ADAMTS6: variants seen among roughly 807,000 people sequenced by gnomAD.
ADAMTS6 encodes A disintegrin and metalloproteinase with thrombospondin motifs 6.
A neutral mutation model predicts 144.3 loss-of-function variants in ADAMTS6; 23 were observed. The ratio of observed to expected loss-of-function variants is 0.16; its 90% CI spans 0.11 to 0.23. The LOEUF (loss-of-function observed/expected upper bound fraction) is 0.23. Among genes scored for constraint, ADAMTS6 ranks in the 10% least tolerant of loss-of-function variants. The pLI is 1.00. For missense variants in ADAMTS6, 999 were observed against 1,379.6 expected (o/e 0.72, Z 4.37); for synonymous variants, 444 against 457.5 (o/e 0.97, Z 0.38).
intron 7 of ADAMTS6, among the ~76,000 whole-genome samples, chr5:65,383,410 C>T (rs1258092801): frequency 6.6e-6 from 1 of 152,078 alleles, no homozygotes; most frequent in Non-Finnish European, 1.5e-5. Context: ...TAGATGTTCC[C>T]AAATCAAAAG....
At chr5:65,395,581 A>T (rs1296476212) in intron 7 of ADAMTS6, among the ~76,000 whole-genome samples, 1 of 152,160 alleles carries the variant, frequency 6.6e-6, no homozygotes. Context: ...TATTTATACA[A>T]AAAAACAAGC....
intron 11 of ADAMTS6, among the ~76,000 whole-genome samples, chr5:65,287,687 C>T (rs1434147152): frequency 2.6e-5 from 4 of 152,076 alleles, no homozygotes; most frequent in Admixed American, 6.6e-5. Context: ...TGTGCCACCA[C>T]GCCTGGCTAA....
chr5:65,466,838 C>A (rs1045952644), intron 3 of ADAMTS6, among the ~76,000 whole-genome samples: 3 of 152,018 alleles, frequency 2.0e-5, no homozygotes, highest in African/African-American at 4.8e-5. Flanking sequence ...GTCAGGAGAT[C>A]GAGACCATCC....
At chr5:65,267,202 AACTAGAAAAGTTAAATATGTAGAT>A (rs1299900140) in intron 12 of ADAMTS6, among the ~76,000 whole-genome samples, 5 of 152,078 alleles carry the variant, frequency 3.3e-5, no homozygotes, top group Admixed American at 6.6e-5. Flanking sequence ...TTACGTTTTA[AACTAGAAAAGTTAAATATGTAGAT>A]GCAAACAAGT....
rs1055214171 is a variant in ADAMTS6 at position 65,389,633 on chromosome 5, A to G, written c.1074-55548T>C. ...ATACTAGATACATAGTACCTAGCCA[A>G]AGCCAGCTGTTAGTAAAATTTAGTA... On this transcript the variant is annotated intron_variant, in intron 7 of 24. Transcript: ENST00000381055. 6.7e-5 allele frequency among the ~76,000 whole-genome samples: 10 copies of G among 149,958 alleles called. No homozygotes were observed. In the Middle Eastern group the frequency reaches 0.014, roughly 204 times the overall value.
At chr5:65,302,775 A>G (rs1743567796) in intron 9 of ADAMTS6, among the ~76,000 whole-genome samples, 1 of 152,136 alleles carries the variant, frequency 6.6e-6, no homozygotes, top group African/African-American at 2.4e-5. Flanking sequence ...TCAAGTAACG[A>G]TAGCTTTAAA....
chr5:65,282,973 T>G (rs1380903678), intron 11 of ADAMTS6, among the ~76,000 whole-genome samples: 1 of 152,120 alleles, frequency 6.6e-6, no homozygotes, highest in Non-Finnish European at 1.5e-5. Context: ...AAAAGAGACA[T>G]GCGCACACTT....
intron 14 of ADAMTS6, among the ~76,000 whole-genome samples, chr5:65,254,462 A>G (rs1388299544): frequency 6.6e-6 from 1 of 152,216 alleles, no homozygotes; most frequent in African/African-American, 2.4e-5. Flanking sequence ...AGTAAATGTA[A>G]GATTTTATCT....
chr5:65,360,690 A>T (rs1298779877), intron 7 of ADAMTS6, among the ~76,000 whole-genome samples: 4 of 152,206 alleles, frequency 2.6e-5, no homozygotes, highest in Admixed American at 6.5e-5. Context: ...AAAATTCAAG[A>T]CCATTTTTCT....
chr5:65,217,277 T>A (rs533737552), intron 18 of ADAMTS6, among the ~76,000 whole-genome samples: 1 of 152,282 alleles, frequency 6.6e-6, no homozygotes, highest in Non-Finnish European at 1.5e-5. Flanking sequence ...TTTGGTTTTA[T>A]AAGGACATCT....
chr5:65,215,530 T>C (rs758216121), intron 18 of ADAMTS6, 43 bp from the exon 19 acceptor site: 1 of 1,552,498 alleles, frequency 6.4e-7, no homozygotes. Flanking sequence ...TGAAATTTCA[T>C]TTACCAAAGT....
intron 7 of ADAMTS6, among the ~76,000 whole-genome samples, chr5:65,348,828 T>C (rs920938197): frequency 2.0e-5 from 3 of 151,946 alleles, no homozygotes; most frequent in Admixed American, 6.6e-5. Context: ...AAACAATAAA[T>C]TTTTTAAATA....
At chr5:65,419,629 T>C (rs1357800987) in intron 7 of ADAMTS6, among the ~76,000 whole-genome samples, 1 of 152,330 alleles carries the variant, frequency 6.6e-6, no homozygotes, top group South Asian at 2.1e-4. Flanking sequence ...ATGTGGTATA[T>C]CCATACAATG....
intron 10 of ADAMTS6, among the ~76,000 whole-genome samples, chr5:65,296,812 T>C (rs1742884035): frequency 6.6e-6 from 1 of 152,214 alleles, no homozygotes; most frequent in Admixed American, 6.5e-5. Flanking sequence ...TGTAGGAAAT[T>C]TTGCTATGGA....
intron 18 of ADAMTS6, among the ~76,000 whole-genome samples, chr5:65,215,773 G>T (rs2112335798): frequency 6.6e-6 from 1 of 152,284 alleles, no homozygotes; most frequent in East Asian, 1.9e-4. Flanking sequence ...AATAACTAGG[G>T]ATGAGACTTA....
chr5:65,414,446 A>AT (rs1332897032), intron 7 of ADAMTS6, among the ~76,000 whole-genome samples: 1 of 152,060 alleles, frequency 6.6e-6, no homozygotes, highest in Admixed American at 6.5e-5. Context: ...CAAGGGAAAG[A>AT]TTTTGCCCCC....
At chr5:65,187,937 G>A in intron 22 of ADAMTS6, 79 bp downstream of exon 22, 2 of 1,387,396 alleles carry the variant, frequency 1.4e-6, no homozygotes, top group Non-Finnish European at 2.0e-6. Flanking sequence ...AGATGTTCAG[G>A]TGTCCTTAAT....
At chr5:65,163,752 G>T (rs950706151) in intron 24 of ADAMTS6, among the ~76,000 whole-genome samples, 1 of 152,094 alleles carries the variant, frequency 6.6e-6, no homozygotes. Flanking sequence ...TGTTGTTCAT[G>T]TGCATATATT....
At chr5:65,285,586 G>T (rs1325341165) in intron 11 of ADAMTS6, among the ~76,000 whole-genome samples, 1 of 152,096 alleles carries the variant, frequency 6.6e-6, no homozygotes, top group African/African-American at 2.4e-5. Flanking sequence ...AGCCACTGGG[G>T]ATACAGCTGT....
Sources: allele counts gnomAD v4.1 joint callset (sites outside exome capture counted in the v4.1 genomes callset), GRCh38; gene constraint gnomAD v4.1.1; transcripts MANE v1.5; gene names NCBI Gene and HGNC (gene_info 2026-07-23, HGNC 2026-07-21).